CTDSPL: variants seen among roughly 807,000 people sequenced by gnomAD.
CTDSPL encodes CTD small phosphatase-like protein.
Under a neutral mutation model 30.5 loss-of-function variants are expected in CTDSPL, and 8 were observed. That is an observed-to-expected ratio of 0.26 (90% CI 0.15 to 0.47). CTDSPL has a LOEUF of 0.47. CTDSPL is among the 20% of genes least tolerant of loss of function. CTDSPL has a pLI of 0.99. For synonymous variants in CTDSPL, 110 were observed against 137.9 expected (o/e 0.80, Z 1.42); for missense variants, 248 against 366.1 (o/e 0.68, Z 2.63).
intron 1 of CTDSPL, among the ~76,000 whole-genome samples, chr3:37,893,955 G>A (rs1698362308): frequency 6.6e-6 from 1 of 152,090 alleles, no homozygotes; most frequent in Non-Finnish European, 1.5e-5. Context: ...ACTGCTACGT[G>A]GCTAACCATT....
rs778248102 is a variant in CTDSPL at position 37,957,985 on chromosome 3, G to T, written c.267+842G>T. On this transcript the variant is annotated intron_variant, in intron 3 of 7. Coordinates refer to ENST00000273179, the MANE Select transcript of CTDSPL (RefSeq NM_001008392.2). ...TAGAGAAGGATTTAGGTTTCAAAAT[G>T]TGTCTATAAATTAATTTTTTAGTCT... 4.9e-4 allele frequency among the ~76,000 whole-genome samples: 75 copies of T among 152,206 alleles called. 2 individuals are homozygous for T. Among genetic ancestry groups the T allele is most frequent in the Non-Finnish European group, 1.8e-4 (12 of 68,028 alleles).
intron 1 of CTDSPL, among the ~76,000 whole-genome samples, chr3:37,928,628 G>A (rs912867984): frequency 7.2e-5 from 11 of 152,094 alleles, no homozygotes; most frequent in African/African-American, 2.7e-4. Context: ...TTGGGTTGTG[G>A]TTTGGTTTTT....
chr3:37,885,246 G>A (rs1194698175), intron 1 of CTDSPL, among the ~76,000 whole-genome samples: 1 of 152,216 alleles, frequency 6.6e-6, no homozygotes, highest in Admixed American at 6.5e-5. Context: ...TATGGCCAAA[G>A]TGGGGTTTCA....
chr3:37,920,904 C>T (rs917005216), intron 1 of CTDSPL, among the ~76,000 whole-genome samples: 2 of 152,218 alleles, frequency 1.3e-5, no homozygotes, highest in Non-Finnish European at 2.9e-5. Flanking sequence ...CTCAAACCAC[C>T]TGTGAGACCT....
intron 1 of CTDSPL, among the ~76,000 whole-genome samples, chr3:37,896,582 G>A (rs1698392921): frequency 6.6e-6 from 1 of 152,084 alleles, no homozygotes; most frequent in South Asian, 2.1e-4. Context: ...TGTTGCCCAG[G>A]CTGGAGTGCA....
intron 2 of CTDSPL, 27 bp from the exon 3 acceptor site, chr3:37,957,084 A>G (rs376262999): frequency 1.0e-5 from 16 of 1,591,672 alleles, no homozygotes; most frequent in Non-Finnish European, 1.4e-5. Context: ...CGAACCTGAC[A>G]ATGATTTTTT....
intron 1 of CTDSPL, among the ~76,000 whole-genome samples, chr3:37,936,258 G>A (rs1698914099): frequency 6.6e-6 from 1 of 152,076 alleles, no homozygotes; most frequent in African/African-American, 2.4e-5. Context: ...GAATTCCCTG[G>A]GGACATTTAT....
intron 1 of CTDSPL, among the ~76,000 whole-genome samples, chr3:37,889,244 G>A (rs1026060107): frequency 3.3e-5 from 5 of 152,146 alleles, no homozygotes; most frequent in African/African-American, 7.2e-5. Context: ...GAGGGAGGAC[G>A]TTGACATAAC....
At chr3:37,955,131 CG>C (rs1022715006) in intron 2 of CTDSPL, 3 of 152,264 alleles carry the variant, frequency 2.0e-5, no homozygotes, top group African/African-American at 7.2e-5. Context: ...TGTCACTAGA[CG>C]GGGAGAGAGT....
intron 1 of CTDSPL, among the ~76,000 whole-genome samples, chr3:37,872,536 GCT>G (rs1311584304): frequency 1.6e-5 from 2 of 128,302 alleles, no homozygotes; most frequent in African/African-American, 6.0e-5. Context: ...TCCTACTTAG[GCT>G]CTTTTTTTTT....
chr3:37,975,829 G>C lies in CTDSPL; in HGVS notation c.640G>C (p.Glu214Gln), dbSNP rs1575326010. Residue 214 changes from glutamate (E) to glutamine (Q), a missense_variant, in exon 7 of 8, where the codon GAG (glutamate) becomes CAG (glutamine). Glu to Gln is a conservative substitution (Grantham distance 29). Around this residue, in one of 4 missense-constraint regions of CTDSPL, gnomAD observed 84 missense variants for 139.4 expected, o/e 0.60. Coordinates refer to ENST00000273179, the MANE Select transcript of CTDSPL (RefSeq NM_001008392.2). The surrounding 1 kb of genome is among the most constrained non-coding windows in gnomAD (Gnocchi z 4.9). ...YVKDLSRLGR[E>Q]LSKVIIVDNS... ...GAAGGACCTGAGTCGCCTTGGGCGG[G>C]AGCTGAGCAAAGTGATCATTGTTGA... is the stretch of plus-strand genomic sequence containing the variant. 1 of 1,614,176 alleles carries C rather than the reference G, an allele frequency of 6.2e-7. No homozygotes were observed. Among genetic ancestry groups the C allele is most frequent in the African/African-American group, 1.3e-5 (1 of 75,036 alleles).
chr3:37,967,418 T>C (rs779953136), intron 4 of CTDSPL, among the ~76,000 whole-genome samples: 1 of 152,252 alleles, frequency 6.6e-6, no homozygotes, highest in Non-Finnish European at 1.5e-5. Context: ...TGGGTCCAAG[T>C]ACAAATAGTT....
rs781057809 is a variant in CTDSPL at position 37,939,974 on chromosome 3, C to T, written c.80-7083C>T. Reference sequence around the variant, plus strand: ...GGGCTTGGTGGCAGGCGCCTGTAGTCCCAGCTACTCAGGAGGGTGAGGCAG... The same window carrying T: ...GGGCTTGGTGGCAGGCGCCTGTAGTTCCAGCTACTCAGGAGGGTGAGGCAG... On this transcript the variant is annotated intron_variant, in intron 1 of 7. Coordinates refer to ENST00000273179, the MANE Select transcript of CTDSPL (RefSeq NM_001008392.2). Among the ~76,000 whole-genome samples the T allele has an allele frequency of 4.1e-4, 62 of 150,042 alleles. 6 individuals carry two copies. Among genetic ancestry groups the T allele is most frequent in the Non-Finnish European group, 7.8e-4 (52 of 66,970 alleles).
chr3:37,873,139 A>G (rs1171591335), intron 1 of CTDSPL, among the ~76,000 whole-genome samples: 1 of 152,180 alleles, frequency 6.6e-6, no homozygotes, highest in Non-Finnish European at 1.5e-5. Flanking sequence ...TGAGCTTCAT[A>G]TTTGGCCACC....
intron 3 of CTDSPL, 73 bp downstream of exon 3, chr3:37,957,216 AG>A: frequency 9.3e-7 from 1 of 1,072,176 alleles, no homozygotes; most frequent in Non-Finnish European, 1.4e-6. Flanking sequence ...ACTTATATAA[AG>A]GATTTTTTTT....
At chr3:37,878,132 T>C (rs966685536) in intron 1 of CTDSPL, among the ~76,000 whole-genome samples, 1 of 152,234 alleles carries the variant, frequency 6.6e-6, no homozygotes, top group Admixed American at 6.5e-5. Flanking sequence ...TTTTTTATAG[T>C]AGCCATTCTC....
chr3:37,889,918 G>C (rs1698305209), intron 1 of CTDSPL, among the ~76,000 whole-genome samples: 1 of 152,170 alleles, frequency 6.6e-6, no homozygotes, highest in East Asian at 1.9e-4. Context: ...CAAGTGTAAA[G>C]ACAGAACAAA....
chr3:37,921,066 A>C (rs1428684337), intron 1 of CTDSPL, among the ~76,000 whole-genome samples: 1 of 152,222 alleles, frequency 6.6e-6, no homozygotes, highest in African/African-American at 2.4e-5. Flanking sequence ...AGGGGAGTCC[A>C]GAGAGGAAGA....
At chr3:37,957,191 T>C (rs1699184731) in intron 3 of CTDSPL, 48 bp downstream of exon 3, 1 of 1,383,958 alleles carries the variant, frequency 7.2e-7, no homozygotes. Context: ...CATAAAATCT[T>C]GTGGCTTTGG....
Sources: allele counts gnomAD v4.1 joint callset (sites outside exome capture counted in the v4.1 genomes callset), GRCh38; gene constraint gnomAD v4.1.1; regional missense constraint gnomAD v4.1.1; non-coding constraint Gnocchi (gnomAD v3.1); transcripts MANE v1.5; gene names NCBI Gene and HGNC (gene_info 2026-07-23, HGNC 2026-07-21).